Variants in CNST observed in about 807,000 individuals in gnomAD.
CNST encodes the protein consortin, connexin sorting protein.
In CNST, 39 loss-of-function variants were observed where a neutral mutation model predicts 72.4. That is an observed-to-expected ratio of 0.54 (90% CI 0.42 to 0.70). The LOEUF is 0.70. Among genes scored for constraint, CNST ranks in the 30% least tolerant of loss-of-function variants. The pLI is 0.00. For synonymous variants in CNST, 332 were observed against 320.1 expected, an observed-to-expected ratio of 1.04 and a Z score of -0.40; for missense variants, 871 against 868.5, an observed-to-expected ratio of 1.00 and a Z score of -0.04.
chr1:246,584,701 C>A (rs1366804835), intron 1 of CNST, among the ~76,000 whole-genome samples: 1 of 152,110 alleles, frequency 6.6e-6, no homozygotes, highest in East Asian at 1.9e-4. Flanking sequence ...GCCCTGCAGT[C>A]CTCCACAGCT....
chr1:246,646,953 T>C lies in CNST; in HGVS notation c.938-186T>C, dbSNP rs138306399. ...GCTTTTGAATAATCCCTGTTATGTA[T>C]AAGGATTCTTTACTAAATATTTTGG... is the stretch of plus-strand genomic sequence containing the variant. On this transcript the variant is annotated intron_variant, in intron 8 of 10. Coordinates refer to ENST00000366513, the MANE Select transcript of CNST (RefSeq NM_152609.3). 1.4e-3 allele frequency among the ~76,000 whole-genome samples: 206 copies of C among 152,364 alleles called. 2 individuals carry two copies. The highest frequency in any genetic ancestry group is 4.7e-3 in the African/African-American group (196 of 41,586).
At chr1:246,654,550 A>G (rs1442888111) in intron 9 of CNST, among the ~76,000 whole-genome samples, 2 of 152,212 alleles carry the variant, frequency 1.3e-5, no homozygotes, top group Non-Finnish European at 2.9e-5. Context: ...TCTCTCTGTT[A>G]TCGTAAGACG....
chr1:246,649,992 A>T (rs1367248249), intron 9 of CNST, among the ~76,000 whole-genome samples: 3 of 151,962 alleles, frequency 2.0e-5, no homozygotes, highest in Non-Finnish European at 4.4e-5. Context: ...ATCTATTGAC[A>T]TGTATTTCCA....
At chr1:246,612,779 A>G (rs1338281759) in intron 2 of CNST, among the ~76,000 whole-genome samples, 1 of 152,032 alleles carries the variant, frequency 6.6e-6, no homozygotes, top group Admixed American at 6.6e-5. Context: ...CAGCTACTTC[A>G]GAGGCTGCAG....
intron 6 of CNST, among the ~76,000 whole-genome samples, chr1:246,636,614 C>T (rs988619839): frequency 6.6e-6 from 1 of 152,218 alleles, no homozygotes; most frequent in Non-Finnish European, 1.5e-5. Context: ...TTTGCTTTGG[C>T]TATAATCCAT....
intron 6 of CNST, among the ~76,000 whole-genome samples, chr1:246,637,422 C>T (rs988282988): frequency 6.6e-6 from 1 of 152,206 alleles, no homozygotes; most frequent in South Asian, 2.1e-4. Context: ...AATGAAAGAC[C>T]ATGTCTGGAT....
At chr1:246,588,870 T>A (rs1488839003) in intron 1 of CNST, among the ~76,000 whole-genome samples, 1 of 152,168 alleles carries the variant, frequency 6.6e-6, no homozygotes, top group Admixed American at 6.5e-5. Flanking sequence ...AACATTCACA[T>A]ACCCAAGTTA....
At position 246,667,603 on chromosome 1, in the gene CNST, TAGA is replaced by T. The variant is rs1250490931; in HGVS notation, c.*1702_*1704del. On this transcript the variant is annotated 3_prime_UTR_variant, in exon 11 of 11. Coordinates refer to ENST00000366513, the MANE Select transcript of CNST (RefSeq NM_152609.3). ...TCCTTATACTTAAGGCTGATTTTAT[TAGA>T]AGATTATTTTAATGTTCTATTATAA... 1 of 152,224 alleles carries T rather than the reference TAGA, an allele frequency of 6.6e-6. No individual in the cohort carries two copies. Among genetic ancestry groups the T allele is most frequent in the Non-Finnish European group, 1.5e-5 (1 of 68,044 alleles). 9.4% of individuals were successfully genotyped at this position (152,224 alleles called of 1,614,324 possible).
At chr1:246,648,086 C>T in intron 9 of CNST, 49 bp downstream of exon 9, 1 of 1,540,912 alleles carries the variant, frequency 6.5e-7, no homozygotes, top group Non-Finnish European at 8.7e-7. Flanking sequence ...ATTTAAAAAA[C>T]ATATATATGT....
At chr1:246,626,226 T>C (rs1207298880) in intron 3 of CNST, among the ~76,000 whole-genome samples, 2 of 151,926 alleles carry the variant, frequency 1.3e-5, no homozygotes, top group African/African-American at 4.8e-5. Context: ...ATTTTTTTAT[T>C]TTTTTGTAGA....
chr1:246,643,750 C>G (rs1441967382), intron 8 of CNST, among the ~76,000 whole-genome samples: 4 of 152,156 alleles, frequency 2.6e-5, no homozygotes, highest in African/African-American at 9.7e-5. Flanking sequence ...AAATGTTGCT[C>G]CAGTTTCACC....
chr1:246,667,216 A>G lies in CNST; in HGVS notation c.*1311A>G, dbSNP rs1275242434. 2 of 152,106 alleles carry G rather than the reference A, an allele frequency of 1.3e-5. No individual in the cohort carries two copies. Among genetic ancestry groups the G allele is most frequent in the African/African-American group, 4.8e-5 (2 of 41,426 alleles). 9.4% of individuals were successfully genotyped at this position (152,106 alleles called of 1,614,324 possible). ...GTCTTCTGTTAGGATCATTTGAAAG[A>G]AAAAGGGAGAACTTACTTTCTAGTT... On this transcript the variant is annotated 3_prime_UTR_variant, in exon 11 of 11. Transcript: ENST00000366513.
At chr1:246,633,837 TTCTCAACA>T in intron 4 of CNST, 79 bp from the exon 5 acceptor site, 3 of 812,680 alleles carry the variant, frequency 3.7e-6, no homozygotes, top group Non-Finnish European at 6.1e-6. Context: ...AGCTGCAAAT[TTCTCAACA>T]TCTATAGGAC....
At chr1:246,634,274 T>C (rs1664985642) in intron 5 of CNST, 199 bp from the exon 6 acceptor site, 1 of 563,822 alleles carries the variant, frequency 1.8e-6, no homozygotes, top group Non-Finnish European at 3.1e-6. Flanking sequence ...TTTCATGCCC[T>C]ACTGGCTAAT....
intron 1 of CNST, among the ~76,000 whole-genome samples, chr1:246,570,290 A>T (rs2102997819): frequency 6.6e-6 from 1 of 152,326 alleles, no homozygotes; most frequent in South Asian, 2.1e-4. Flanking sequence ...AGCTGCTGTA[A>T]CAAAGGTAAC....
intron 1 of CNST, among the ~76,000 whole-genome samples, chr1:246,571,350 A>C (rs3124074): frequency 6.6e-6 from 1 of 152,172 alleles, no homozygotes; most frequent in South Asian, 2.1e-4. Flanking sequence ...GGGTTTCACT[A>C]TGTTGGCCAG....
Position 246,611,093 on chromosome 1 carries a change from A to C in CNST, c.380-10336A>C, listed in dbSNP as rs868853757. On this transcript the variant is annotated intron_variant, in intron 2 of 10. Transcript: ENST00000366513. Reference sequence around the variant, plus strand: ...TGGGTAGCCCCAGACAGATTAGAACAAACACAGTGATTTGCAAGTAAGATC... The same window carrying C: ...TGGGTAGCCCCAGACAGATTAGAACCAACACAGTGATTTGCAAGTAAGATC... 2.0e-5 allele frequency among the ~76,000 whole-genome samples: 3 copies of C among 152,294 alleles called. 1 individual carries two copies. Among genetic ancestry groups the C allele is most frequent in the Middle Eastern group, 6.8e-3 (2 of 294 alleles).
intron 2 of CNST, among the ~76,000 whole-genome samples, chr1:246,601,671 G>C (rs1318527445): frequency 1.3e-5 from 2 of 152,152 alleles, no homozygotes; most frequent in Admixed American, 6.5e-5. Flanking sequence ...GCACATGCCT[G>C]TAATTCCAGC....
At position 246,585,507 on chromosome 1, in the gene CNST, C is replaced by T. The variant is rs1166915292; in HGVS notation, c.-51-6005C>T. Among the ~76,000 whole-genome samples, 8 of 151,592 alleles carry T rather than the reference C, an allele frequency of 5.3e-5. No individual in the cohort carries two copies. The South Asian group carries it at 1.3e-3, about 24-fold the overall frequency. Reference sequence around the variant, plus strand: ...ACTAAAAATACAAAAATTAGCCAGGCGTAGTGGTGCATGCCTGTAATCCCA... The same window carrying T: ...ACTAAAAATACAAAAATTAGCCAGGTGTAGTGGTGCATGCCTGTAATCCCA... On this transcript the variant is annotated intron_variant, in intron 1 of 10. Transcript: ENST00000366513.
Sources: gnomAD v4.1 joint callset for allele counts (sites outside exome capture counted in the v4.1 genomes callset) on GRCh38, gnomAD v4.1.1 for gene constraint, MANE v1.5 for transcripts, NCBI Gene and HGNC (gene_info 2026-07-23, HGNC 2026-07-21) for gene names.